KLF17: variants seen among roughly 807,000 people sequenced by gnomAD.
The protein encoded by KLF17 is Krueppel-like factor 17.
Under a neutral mutation model 34.2 loss-of-function variants are expected in KLF17, and 31 were observed. The ratio of observed to expected loss-of-function variants is 0.91; its 90% CI spans 0.68 to 1.22. The LOEUF is 1.22. Among genes scored for constraint, KLF17 ranks in the 50% most tolerant of loss-of-function variants. KLF17 has a pLI of 0.00. For missense variants in KLF17, 478 were observed against 505.2 expected (o/e 0.95, Z 0.52); for synonymous variants, 179 against 186.7 (o/e 0.96, Z 0.34).
At chr1:44,100,704 G>A in the KLF17 span, among the ~76,000 whole-genome samples, 10 of 151,702 alleles carry the variant, frequency 6.6e-5, no homozygotes, top group African/African-American at 2.2e-4. Context: ...CACCTAGGCC[G>A]GAGTGCAGTG....
the KLF17 span, among the ~76,000 whole-genome samples, chr1:44,102,163 T>C: frequency 6.6e-6 from 1 of 152,180 alleles, no homozygotes; most frequent in Admixed American, 6.5e-5. Context: ...ACTTTAATTG[T>C]CAATGGTCTA....
chr1:44,104,693 G>A, the KLF17 span: 5 of 402,274 alleles, frequency 1.2e-5, no homozygotes, highest in East Asian at 5.3e-5. Flanking sequence ...GGGCCCACTC[G>A]TATAGGAGCG....
the KLF17 span, among the ~76,000 whole-genome samples, chr1:44,087,464 A>G: frequency 1.3e-5 from 2 of 151,444 alleles, no homozygotes; most frequent in Non-Finnish European, 2.9e-5. Flanking sequence ...GGGTCTCCCT[A>G]TGTTGCCTAG....
the KLF17 span, among the ~76,000 whole-genome samples, chr1:44,096,467 C>T: frequency 3.4e-3 from 500 of 148,986 alleles, 2 homozygotes; most frequent in African/African-American, 0.012. Flanking sequence ...GGCGCGATCT[C>T]GACTCACTGC....
upstream of KLF17, chr1:44,114,876 C>G (rs988933982): frequency 6.6e-6 from 1 of 152,192 alleles, no homozygotes; most frequent in African/African-American, 2.4e-5. Context: ...CACACTAACA[C>G]ATTTTTATTA....
chr1:44,070,284 A>C, the KLF17 span, among the ~76,000 whole-genome samples: 4 of 152,208 alleles, frequency 2.6e-5, no homozygotes, highest in Admixed American at 2.6e-4. Flanking sequence ...CTTGTGGTGG[A>C]TCCATCACTG....
At chr1:44,111,344 A>G in the KLF17 span, among the ~76,000 whole-genome samples, 1 of 151,858 alleles carries the variant, frequency 6.6e-6, no homozygotes, top group East Asian at 1.9e-4. Context: ...TATCATTCCC[A>G]TGGATGTTTT....
chr1:44,071,998 G>A, the KLF17 span, among the ~76,000 whole-genome samples: 3 of 151,768 alleles, frequency 2.0e-5, no homozygotes, highest in African/African-American at 4.8e-5. Context: ...TTTTGGGGGG[G>A]GACGGGGGGA....
the KLF17 span, among the ~76,000 whole-genome samples, chr1:44,091,971 T>A: frequency 4.9e-4 from 68 of 138,666 alleles, 1 homozygote; most frequent in Middle Eastern, 3.7e-3. Flanking sequence ...ACTCTCTCTC[T>A]CTCTCTCTCT....
At chr1:44,091,893 G>C in the KLF17 span, among the ~76,000 whole-genome samples, 5 of 140,628 alleles carry the variant, frequency 3.6e-5, no homozygotes, top group Non-Finnish European at 7.7e-5. Flanking sequence ...CCTGGGGGGT[G>C]AGAGAGAAAA....
chr1:44,091,586 G>A, the KLF17 span, among the ~76,000 whole-genome samples: 2 of 149,156 alleles, frequency 1.3e-5, no homozygotes, highest in African/African-American at 5.0e-5. Flanking sequence ...AACCTGGGAG[G>A]CGGAGGTTGC....
chr1:44,056,166 C>A, the KLF17 span, among the ~76,000 whole-genome samples: 1 of 152,178 alleles, frequency 6.6e-6, no homozygotes, highest in Non-Finnish European at 1.5e-5. Context: ...AAGGGAACTA[C>A]AGTTAACTAA....
chr1:44,109,897 C>CTTTTTTTTT, the KLF17 span, among the ~76,000 whole-genome samples: 2 of 77,200 alleles, frequency 2.6e-5, no homozygotes, highest in Admixed American at 1.8e-4. Context: ...CTTTTTTATA[C>CTTTTTTTTT]TTTTTTTTTT....
chr1:44,087,707 G>A, the KLF17 span, among the ~76,000 whole-genome samples: 2 of 133,146 alleles, frequency 1.5e-5, no homozygotes, highest in Non-Finnish European at 3.1e-5. Flanking sequence ...GCTCTCTGGT[G>A]CCTCTTCCTA....
At chr1:44,060,169 A>G in the KLF17 span, among the ~76,000 whole-genome samples, 2 of 152,036 alleles carry the variant, frequency 1.3e-5, no homozygotes, top group Non-Finnish European at 2.9e-5. Flanking sequence ...AGCCTTCTGT[A>G]TATAAAAAAC....
At chr1:44,099,537 T>A in the KLF17 span, among the ~76,000 whole-genome samples, 12 of 151,870 alleles carry the variant, frequency 7.9e-5, no homozygotes, top group African/African-American at 2.9e-4. Context: ...CCCAGCACTT[T>A]GGGAGGCCAA....
chr1:44,079,778 G>T, the KLF17 span, among the ~76,000 whole-genome samples: 1 of 152,102 alleles, frequency 6.6e-6, no homozygotes, highest in Non-Finnish European at 1.5e-5. Flanking sequence ...AATTGTCTGA[G>T]TGCCATGTTT....
chr1:44,063,481 T>C, the KLF17 span, among the ~76,000 whole-genome samples: 2 of 152,240 alleles, frequency 1.3e-5, no homozygotes, highest in East Asian at 1.9e-4. Flanking sequence ...ACATTTTTCA[T>C]AGGCGTATTG....
At chr1:44,046,889 G>A in the KLF17 span, among the ~76,000 whole-genome samples, 1 of 152,098 alleles carries the variant, frequency 6.6e-6, no homozygotes. Context: ...TAGGTGTGAT[G>A]GTGTGCACCT....
Sources: gnomAD v4.1 joint callset for allele counts (sites outside exome capture counted in the v4.1 genomes callset) on GRCh38, gnomAD v4.1.1 for gene constraint, MANE v1.5 for transcripts, NCBI Gene and HGNC (gene_info 2026-07-23, HGNC 2026-07-21) for gene names.